Variants in RIN2 observed in about 807,000 individuals in gnomAD.
RIN2 encodes Ras and Rab interactor 2.
In RIN2, 36 loss-of-function variants were observed where a neutral mutation model predicts 78.0. The ratio of observed to expected loss-of-function variants is 0.46; its 90% CI spans 0.35 to 0.61. The LOEUF (loss-of-function observed/expected upper bound fraction) is 0.61, where lower values mean the gene tolerates loss of function less well. RIN2 is among the 20% of genes least tolerant of loss of function. The probability of loss-of-function intolerance (pLI) is 0.00; values close to 1 mark genes in which losing one functional copy is unlikely to be tolerated. For missense variants in RIN2, 1,087 were observed against 1,159.7 expected, an observed-to-expected ratio of 0.94 and a Z score of 0.91; for synonymous variants, 466 against 466.8, an observed-to-expected ratio of 1.00 and a Z score of 0.02.
intron 3 of RIN2, among the ~76,000 whole-genome samples, chr20:19,929,098 T>G (rs1307092000): frequency 6.6e-6 from 1 of 152,172 alleles, no homozygotes; most frequent in Non-Finnish European, 1.5e-5. Context: ...CCTTGTCCTA[T>G]CTGACCCTCT....
chr20:19,902,619 G>T (rs1056961420), intron 3 of RIN2, among the ~76,000 whole-genome samples: 2 of 152,126 alleles, frequency 1.3e-5, no homozygotes, highest in Non-Finnish European at 2.9e-5. Flanking sequence ...GAGGGAGCTG[G>T]GGGAGCTCAT....
intron 2 of RIN2, among the ~76,000 whole-genome samples, chr20:19,869,792 T>TTTTTTTTATTTA (rs147848026): frequency 3.7e-5 from 5 of 136,426 alleles, no homozygotes; most frequent in African/African-American, 1.4e-4. Flanking sequence ...GCCTGGCTAA[T>TTTTTTTTATTTA]TTTATTTATT....
intron 2 of RIN2, among the ~76,000 whole-genome samples, chr20:19,814,624 G>A (rs1194851010): frequency 6.6e-6 from 1 of 152,142 alleles, no homozygotes; most frequent in Non-Finnish European, 1.5e-5. Context: ...TTTGGAGACA[G>A]GGTTTTGCCC....
chr20:19,987,416 G>A (rs897455249), intron 9 of RIN2, among the ~76,000 whole-genome samples: 12 of 152,184 alleles, frequency 7.9e-5, no homozygotes. Context: ...TATTTATAAA[G>A]TGACTTGAAC....
intron 1 of RIN2, among the ~76,000 whole-genome samples, chr20:19,785,512 C>A (rs774292859): frequency 1.3e-5 from 2 of 152,176 alleles, no homozygotes; most frequent in Non-Finnish European, 2.9e-5. Flanking sequence ...GCAGGACATC[C>A]TTTCAGTGGA....
intron 2 of RIN2, among the ~76,000 whole-genome samples, chr20:19,833,251 C>T (rs944920887): frequency 1.3e-5 from 2 of 149,854 alleles, no homozygotes; most frequent in Non-Finnish European, 3.0e-5. Flanking sequence ...CATAATAAAA[C>T]CTATATCTAT....
chr20:19,805,715 C>CT (rs973080307), intron 2 of RIN2, among the ~76,000 whole-genome samples: 1,684 of 145,874 alleles, frequency 0.012, 23 homozygotes, highest in African/African-American at 0.038. Context: ...GTTACAAGGA[C>CT]TTTTTTTTTT....
chr20:19,887,190 T>C (rs952730646), intron 2 of RIN2, among the ~76,000 whole-genome samples: 14 of 151,744 alleles, frequency 9.2e-5, no homozygotes, highest in African/African-American at 3.4e-4. Context: ...CTATTTTTTT[T>C]TTTTTTAATT....
At chr20:19,766,140 C>A (rs547767636) in intron 1 of RIN2, among the ~76,000 whole-genome samples, 1 of 152,158 alleles carries the variant, frequency 6.6e-6, no homozygotes, top group Non-Finnish European at 1.5e-5. Context: ...ATGGATGGGG[C>A]ACCCACCCAT....
chr20:19,999,287 A>AT (rs1568730489), intron 12 of RIN2, among the ~76,000 whole-genome samples: 1 of 152,082 alleles, frequency 6.6e-6, no homozygotes, highest in African/African-American at 2.4e-5. Flanking sequence ...TTAAAAAAAA[A>AT]GGTTCAAAGA....
intron 3 of RIN2, among the ~76,000 whole-genome samples, chr20:19,905,297 C>T (rs2039170306): frequency 1.3e-5 from 2 of 152,172 alleles, no homozygotes; most frequent in Non-Finnish European, 2.9e-5. Flanking sequence ...TTGTCTCATA[C>T]TCTTTGAAAT....
chr20:19,828,129 TG>T (rs1940066800), intron 2 of RIN2, among the ~76,000 whole-genome samples: 1 of 152,234 alleles, frequency 6.6e-6, no homozygotes, highest in African/African-American at 2.4e-5. Context: ...CTTCCCATTC[TG>T]TTTGATGGGA....
In RIN2 at chr20:20,000,960, G is replaced by T. The variant is rs2043127338; in HGVS notation, c.*24G>T. On this transcript the variant is annotated 3_prime_UTR_variant, in exon 13 of 13. Transcript: ENST00000255006. Reference sequence around the variant, plus strand: ...AGAAGACAGGCGGGACTTCCCAGTGGTGCATCCAAAGGGGAGCTGGAAGCC... The same window carrying T: ...AGAAGACAGGCGGGACTTCCCAGTGTTGCATCCAAAGGGGAGCTGGAAGCC... The T allele has an allele frequency of 4.4e-6, 7 of 1,584,980 alleles. No individual in the cohort carries two copies. The highest frequency in any genetic ancestry group is 6.0e-6 in the Non-Finnish European group (7 of 1,165,602).
At chr20:19,983,603 T>TA (rs11482922) in intron 9 of RIN2, among the ~76,000 whole-genome samples, 47,019 of 151,798 alleles carry the variant, frequency 0.31, 9,093 homozygotes, top group Non-Finnish European at 0.43. Context: ...TTTACCTTTT[T>TA]AAAAAAAAAT....
At chr20:19,860,209 A>T (rs1379127447) in intron 2 of RIN2, among the ~76,000 whole-genome samples, 1 of 152,246 alleles carries the variant, frequency 6.6e-6, no homozygotes, top group Non-Finnish European at 1.5e-5. Flanking sequence ...GAAGTGGCAC[A>T]GATGCTGATG....
intron 4 of RIN2, among the ~76,000 whole-genome samples, chr20:19,946,051 C>G (rs2041075478): frequency 2.6e-5 from 4 of 152,350 alleles, no homozygotes; most frequent in Admixed American, 2.6e-4. Context: ...GCCCGCTAAG[C>G]TCCTCCTCTT....
chr20:19,849,470 C>G (rs1259034042), intron 2 of RIN2, among the ~76,000 whole-genome samples: 1 of 152,176 alleles, frequency 6.6e-6, no homozygotes, highest in Non-Finnish European at 1.5e-5. Context: ...TCTACCCCGA[C>G]TCTGCTCCTG....
chr20:19,925,222 T>G (rs1290349431), intron 3 of RIN2, among the ~76,000 whole-genome samples: 2 of 152,218 alleles, frequency 1.3e-5, no homozygotes, highest in African/African-American at 4.8e-5. Flanking sequence ...CTGGCCATGT[T>G]GTAGTTGTTC....
intron 3 of RIN2, among the ~76,000 whole-genome samples, chr20:19,928,511 C>A (rs959339708): frequency 5.9e-5 from 9 of 152,154 alleles, no homozygotes; most frequent in African/African-American, 2.2e-4. Flanking sequence ...AGAAATTATG[C>A]AGAATGATTA....
Sources: gnomAD v4.1 joint callset for allele counts (sites outside exome capture counted in the v4.1 genomes callset) on GRCh38, gnomAD v4.1.1 for gene constraint, MANE v1.5 for transcripts, NCBI Gene and HGNC (gene_info 2026-07-23, HGNC 2026-07-21) for gene names.